The following NARS2 variants were observed in gnomAD, a reference collection of about 807,000 sequenced individuals.
NARS2 encodes asparaginyl-tRNA synthetase 2, mitochondrial.
NARS2 carries 60 observed loss-of-function variants against 62.9 expected under a neutral mutation model. The ratio of observed to expected loss-of-function variants is 0.95; its 90% CI spans 0.77 to 1.18. The LOEUF (loss-of-function observed/expected upper bound fraction) is 1.18, where lower values mean the gene tolerates loss of function less well. NARS2 is among the 50% of genes most tolerant of loss of function. NARS2 has a pLI of 0.00. For missense variants in NARS2, 619 were observed against 576.4 expected (o/e 1.07, Z -0.76); for synonymous variants, 196 against 200.0 (o/e 0.98, Z 0.17).
chr11:78,572,560 A>T (rs1482603240), intron 1 of NARS2, among the ~76,000 whole-genome samples: 2 of 152,170 alleles, frequency 1.3e-5, no homozygotes, highest in Non-Finnish European at 2.9e-5. Context: ...CTTGGCTGAA[A>T]TATCACCTCA....
At chr11:78,567,325 G>T (rs907039135) in intron 3 of NARS2, among the ~76,000 whole-genome samples, 1 of 152,150 alleles carries the variant, frequency 6.6e-6, no homozygotes, top group Non-Finnish European at 1.5e-5. Context: ...CAGGACAAAA[G>T]GATGATTCAC....
chr11:78,472,999 C>T (rs1858938628), intron 9 of NARS2, among the ~76,000 whole-genome samples: 1 of 152,170 alleles, frequency 6.6e-6, no homozygotes. Context: ...ACATGCATAT[C>T]TGACTTAACA....
rs1457545848 is a variant in NARS2 at position 78,493,154 on chromosome 11, G to C, written c.731C>G (p.Ala244Gly). ...GTGCCTCCGGCTCTGAGAATTTTCA[G>C]CTCGGAAGGTCGGACCAAAGGTAAA... Reference protein sequence around the residue: ...QVFTFGPTFRAENSQSRRHLA... With the variant: ...QVFTFGPTFRGENSQSRRHLA... Residue 244 changes from alanine to glycine, a missense_variant, in exon 7 of 14, where the codon GCT becomes GGT. Coordinates refer to ENST00000281038, the MANE Select transcript of NARS2 (RefSeq NM_024678.6). 2.5e-6 allele frequency: 4 copies of C among 1,613,886 alleles called. No homozygotes were observed. In the East Asian group the frequency reaches 8.9e-5, roughly 36 times the overall value.
At chr11:78,547,662 G>T (rs1163269524) in intron 5 of NARS2, among the ~76,000 whole-genome samples, 1 of 151,980 alleles carries the variant, frequency 6.6e-6, no homozygotes. Flanking sequence ...GCAAAACTCT[G>T]ACTCTACTAA....
chr11:78,436,412 C>A lies in NARS2; in HGVS notation c.*258G>T. 2 of 370,168 alleles carry A rather than the reference C, an allele frequency of 5.4e-6. No homozygotes were observed. Among genetic ancestry groups the A allele is most frequent in the Non-Finnish European group, 4.9e-6 (1 of 203,888 alleles). 22.9% of individuals were successfully genotyped at this position (370,168 alleles called of 1,614,324 possible). A position where few individuals can be genotyped will look rare whatever the true frequency, so the allele number is the denominator to read the frequency against. ...AACTTTGAGACTAATTCAATTTCTTCATTTCTTAATTGAGGTAATGGATTT... is the reference window on the plus strand; with the variant it reads ...AACTTTGAGACTAATTCAATTTCTTAATTTCTTAATTGAGGTAATGGATTT... On this transcript the variant is annotated 3_prime_UTR_variant, in exon 14 of 14. Transcript: ENST00000281038.
At chr11:78,438,046 G>T (rs1025849448) in intron 13 of NARS2, among the ~76,000 whole-genome samples, 1 of 149,326 alleles carries the variant, frequency 6.7e-6, no homozygotes, top group Admixed American at 6.7e-5. Flanking sequence ...TGAATGATTT[G>T]TAAAATCAGT....
At chr11:78,464,535 A>C (rs934246309) in intron 11 of NARS2, among the ~76,000 whole-genome samples, 8 of 151,924 alleles carry the variant, frequency 5.3e-5, no homozygotes, top group African/African-American at 1.9e-4. Context: ...AGCTAGATAC[A>C]GAGTGTCCAC....
At position 78,557,995 on chromosome 11, in the gene NARS2, C is replaced by A. The variant is rs74238045; in HGVS notation, c.594+1544G>T. ...CAATTCCTTTTTATTTGTAAAGACT[C>A]CTTTAAATTATACCTTTTTTTCCCA... is the stretch of plus-strand genomic sequence containing the variant. On this transcript the variant is annotated intron_variant, in intron 5 of 13. Transcript: ENST00000281038. Among the ~76,000 whole-genome samples the A allele has an allele frequency of 2.8e-3, 425 of 151,880 alleles. 11 individuals carry two copies. The East Asian group carries it at 0.065, about 23-fold the overall frequency.
intron 11 of NARS2, among the ~76,000 whole-genome samples, chr11:78,444,727 C>CAAAAAAAA (rs1391489970): frequency 9.7e-5 from 9 of 92,412 alleles, no homozygotes; most frequent in South Asian, 6.5e-4. Context: ...TCAAACAAAA[C>CAAAAAAAA]AAAAAAAAAA....
Position 78,574,395 on chromosome 11 carries a change from C to A in NARS2, c.94G>T (p.Asp32Tyr), listed in dbSNP as rs1270601636. ...HKPSAKLSVRDALGAQNASGE... is the reference protein window; with the variant it reads ...HKPSAKLSVRYALGAQNASGE... ...CTCGCGTTCTGAGCCCCGAGAGCGT[C>A]CCGCACGCTCAGTTTGGCTGAAGGT... Residue 32 changes from aspartate to tyrosine, a missense_variant, in exon 1 of 14, where the codon GAC becomes TAC. Asp to Tyr is a radical substitution (Grantham distance 160). Coordinates refer to ENST00000281038, the MANE Select transcript of NARS2 (RefSeq NM_024678.6). 1 of 1,614,254 alleles carries A rather than the reference C, an allele frequency of 6.2e-7. No individual in the cohort carries two copies. The highest frequency in any genetic ancestry group is 8.5e-7 in the Non-Finnish European group (1 of 1,180,052).
intron 5 of NARS2, among the ~76,000 whole-genome samples, chr11:78,535,077 G>T (rs1394009159): frequency 6.6e-6 from 1 of 152,180 alleles, no homozygotes; most frequent in African/African-American, 2.4e-5. Context: ...AAATCAGTGA[G>T]GCAAAGCTGA....
At chr11:78,475,722 G>GAGTAGCTGGCACTA (rs1486446646) in intron 9 of NARS2, among the ~76,000 whole-genome samples, 1 of 149,750 alleles carries the variant, frequency 6.7e-6, no homozygotes, top group East Asian at 2.0e-4. Flanking sequence ...TTAGTCTCCT[G>GAGTAGCTGGCACTA]AGTAGCTGGC....
chr11:78,466,157 T>C, intron 10 of NARS2, 144 bp from the exon 11 acceptor site: 1 of 785,546 alleles, frequency 1.3e-6, no homozygotes, highest in Non-Finnish European at 2.0e-6. Context: ...GTTACACAGC[T>C]GACTAAACAA....
chr11:78,455,080 T>C (rs1408728104), intron 11 of NARS2, among the ~76,000 whole-genome samples: 3 of 152,340 alleles, frequency 2.0e-5, no homozygotes, highest in South Asian at 4.1e-4. Context: ...ATCTTATGTG[T>C]CTTTAATTCC....
chr11:78,444,958 A>G (rs1233131567), intron 11 of NARS2, among the ~76,000 whole-genome samples: 2 of 152,184 alleles, frequency 1.3e-5, no homozygotes, highest in Non-Finnish European at 2.9e-5. Context: ...TCCTAAGAAA[A>G]TCAGAGATGC....
At chr11:78,523,725 G>T (rs942970640) in intron 6 of NARS2, among the ~76,000 whole-genome samples, 1 of 152,170 alleles carries the variant, frequency 6.6e-6, no homozygotes. Context: ...ACAATTTACT[G>T]TGTGATTCTA....
chr11:78,574,362 G>C lies in NARS2; in HGVS notation c.127C>G (p.Arg43Gly). Residue 43 changes from arginine to glycine, a missense_variant, in exon 1 of 14, where the codon CGC becomes GGC. Transcript: ENST00000281038. ...ALGAQNASGE[R>G]IKIQGWIRSV... The stretch of plus-strand genomic sequence containing the variant: ...CATTCACCAACCTGGATCTTAATGC[G>C]CTCCCCACTCGCGTTCTGAGCCCCG... 6.2e-7 allele frequency: 1 copy of C among 1,614,176 alleles called. No individual in the cohort carries two copies. The highest frequency in any genetic ancestry group is 1.6e-4 in the Middle Eastern group (1 of 6,062).
chr11:78,511,786 TG>T (rs1354375139), intron 6 of NARS2, among the ~76,000 whole-genome samples: 2 of 152,156 alleles, frequency 1.3e-5, no homozygotes, highest in Non-Finnish European at 2.9e-5. Context: ...GTATTTTAAA[TG>T]GGTTCATTTT....
In NARS2 at chr11:78,475,580, C is replaced by CTTT. The variant is rs377023107; in HGVS notation, c.959+2855_959+2857dup. Among the ~76,000 whole-genome samples the CTTT allele has an allele frequency of 2.1e-3, 198 of 93,962 alleles. 15 individuals carry two copies. Among genetic ancestry groups the CTTT allele is most frequent in the African/African-American group, 7.4e-3 (175 of 23,760 alleles). The allele number at this position is 93,962 out of a possible 152,430, so 61.6% of individuals were successfully genotyped here. On this transcript the variant is annotated intron_variant, in intron 9 of 13. Coordinates refer to ENST00000281038, the MANE Select transcript of NARS2 (RefSeq NM_024678.6). The stretch of plus-strand genomic sequence containing the variant: ...TTTGCCAACACCTGTTATCATTTGA[C>CTTT]TTTTTTTTTTTTTTTTTTTTTTTTT...
Sources: allele counts gnomAD v4.1 joint callset (sites outside exome capture counted in the v4.1 genomes callset), GRCh38; gene constraint gnomAD v4.1.1; transcripts MANE v1.5; gene names NCBI Gene and HGNC (gene_info 2026-07-23, HGNC 2026-07-21).